The following RALYL variants were observed in gnomAD, a reference collection of about 807,000 sequenced individuals.
RALYL encodes the protein RNA-binding Raly-like protein.
Under a neutral mutation model 35.1 loss-of-function variants are expected in RALYL, and 29 were observed. The ratio of observed to expected loss-of-function variants is 0.83; its 90% CI spans 0.61 to 1.13. The LOEUF is 1.13. RALYL is among the 50% of genes most tolerant of loss of function. The pLI is 0.00. For synonymous variants in RALYL, 120 were observed against 127.6 expected, an observed-to-expected ratio of 0.94 and a Z score of 0.40; for missense variants, 359 against 360.4, an observed-to-expected ratio of 1.00 and a Z score of 0.03.
intron 1 of RALYL, among the ~76,000 whole-genome samples, chr8:84,313,027 G>T (rs979131578): frequency 1.3e-5 from 2 of 152,182 alleles, no homozygotes; most frequent in African/African-American, 2.4e-5. Flanking sequence ...TGAAATTTAC[G>T]TGGAGGCTGC....
chr8:84,577,969 C>T (rs1399041849), intron 2 of RALYL, among the ~76,000 whole-genome samples: 1 of 152,194 alleles, frequency 6.6e-6, no homozygotes, highest in Non-Finnish European at 1.5e-5. Context: ...CAGCTGGAAA[C>T]CTCTGTGGCT....
At chr8:84,909,286 A>G (rs1381425053) in intron 8 of RALYL, among the ~76,000 whole-genome samples, 1 of 152,146 alleles carries the variant, frequency 6.6e-6, no homozygotes, top group Non-Finnish European at 1.5e-5. Context: ...CTAGTGCCCA[A>G]ATGTTCCTGA....
intron 1 of RALYL, among the ~76,000 whole-genome samples, chr8:84,396,499 C>A (rs186196083): frequency 6.6e-6 from 1 of 151,904 alleles, no homozygotes; most frequent in Non-Finnish European, 1.5e-5. Context: ...ATTAAAGAAC[C>A]CTTGTTCATG....
At chr8:84,520,777 T>A (rs1278492859) in intron 1 of RALYL, among the ~76,000 whole-genome samples, 1 of 152,190 alleles carries the variant, frequency 6.6e-6, no homozygotes, top group Non-Finnish European at 1.5e-5. Context: ...CTTGATGATC[T>A]GAGGTGGAAT....
chr8:84,745,530 A>G (rs956021130), intron 2 of RALYL, among the ~76,000 whole-genome samples: 2 of 152,002 alleles, frequency 1.3e-5, no homozygotes, highest in East Asian at 3.9e-4. Context: ...ATTACTCTCT[A>G]TTGATTCACA....
chr8:84,639,204 G>A (rs747074647), intron 2 of RALYL, among the ~76,000 whole-genome samples: 4 of 151,526 alleles, frequency 2.6e-5, no homozygotes, highest in Non-Finnish European at 5.9e-5. Flanking sequence ...GCAATAAGGG[G>A]CTGTGGGGCA....
intron 6 of RALYL, among the ~76,000 whole-genome samples, chr8:84,867,471 T>G (rs1270185194): frequency 6.6e-6 from 1 of 152,238 alleles, no homozygotes; most frequent in African/African-American, 2.4e-5. Context: ...ATTTTATATT[T>G]GACTTTGAAC....
intron 2 of RALYL, among the ~76,000 whole-genome samples, chr8:84,591,373 A>G (rs1022610549): frequency 4.6e-5 from 7 of 152,214 alleles, no homozygotes; most frequent in Non-Finnish European, 1.0e-4. Flanking sequence ...AGCAAAAAGC[A>G]TAGACATCAG....
intron 1 of RALYL, among the ~76,000 whole-genome samples, chr8:84,432,290 T>G (rs1489112520): frequency 6.6e-6 from 1 of 152,110 alleles, no homozygotes; most frequent in Non-Finnish European, 1.5e-5. Flanking sequence ...GAAAAACAAG[T>G]ACTGCAGTAT....
At chr8:84,656,835 G>C (rs1001211141) in intron 2 of RALYL, among the ~76,000 whole-genome samples, 18 of 151,836 alleles carry the variant, frequency 1.2e-4, no homozygotes, top group African/African-American at 4.4e-4. Context: ...AAAACAATTG[G>C]CTATTTTCCC....
chr8:84,490,331 C>A (rs1163628017), intron 1 of RALYL, among the ~76,000 whole-genome samples: 6 of 151,836 alleles, frequency 4.0e-5, no homozygotes, highest in Non-Finnish European at 8.8e-5. Context: ...ATAAAGCAAG[C>A]AAATCCCTCA....
intron 1 of RALYL, among the ~76,000 whole-genome samples, chr8:84,419,115 C>A (rs1257234876): frequency 6.6e-6 from 1 of 152,172 alleles, no homozygotes; most frequent in African/African-American, 2.4e-5. Context: ...GTTTCCCTTG[C>A]CACTTCCCAG....
chr8:84,619,446 G>C (rs1820721141), intron 2 of RALYL, among the ~76,000 whole-genome samples: 1 of 147,410 alleles, frequency 6.8e-6, no homozygotes, highest in Non-Finnish European at 1.5e-5. Context: ...CATTTGCTTG[G>C]TAGATCTTCC....
chr8:84,363,402 TA>T (rs1302583885), intron 1 of RALYL, among the ~76,000 whole-genome samples: 1 of 152,138 alleles, frequency 6.6e-6, no homozygotes, highest in Non-Finnish European at 1.5e-5. Context: ...ACCAATGAGG[TA>T]AACCTTCAGA....
At chr8:84,818,305 G>A (rs1051123449) in intron 4 of RALYL, among the ~76,000 whole-genome samples, 4 of 152,180 alleles carry the variant, frequency 2.6e-5, no homozygotes, top group African/African-American at 7.2e-5. Context: ...AAAAGCAAAA[G>A]CAGATTTATA....
At chr8:84,494,451 T>C (rs2134098650) in intron 1 of RALYL, among the ~76,000 whole-genome samples, 1 of 152,210 alleles carries the variant, frequency 6.6e-6, no homozygotes, top group Admixed American at 6.6e-5. Flanking sequence ...ATGTTCATGG[T>C]AGTTTGATGG....
intron 1 of RALYL, among the ~76,000 whole-genome samples, chr8:84,419,412 A>G (rs1401568566): frequency 6.6e-6 from 1 of 151,704 alleles, no homozygotes; most frequent in Non-Finnish European, 1.5e-5. Context: ...CCTTTCCAAC[A>G]TTTTCATTGT....
intron 1 of RALYL, among the ~76,000 whole-genome samples, chr8:84,500,816 A>G (rs1332232564): frequency 3.3e-5 from 5 of 152,148 alleles, no homozygotes; most frequent in Admixed American, 2.6e-4. Context: ...GTAAAAGTGT[A>G]ATTTCTATCC....
chr8:84,687,189 C>G (rs1261678492), intron 2 of RALYL, among the ~76,000 whole-genome samples: 1 of 152,070 alleles, frequency 6.6e-6, no homozygotes, highest in Non-Finnish European at 1.5e-5. Context: ...TTCAAATTAA[C>G]AAAATACAAA....
Sources: allele counts gnomAD v4.1 joint callset (sites outside exome capture counted in the v4.1 genomes callset), GRCh38; gene constraint gnomAD v4.1.1; transcripts MANE v1.5; gene names NCBI Gene and HGNC (gene_info 2026-07-23, HGNC 2026-07-21).